The following SLC6A2 variants were observed in gnomAD, a reference collection of about 807,000 sequenced individuals.
The protein encoded by SLC6A2 is solute carrier family 6 member 2, also known as sodium-dependent noradrenaline transporter.
SLC6A2 carries 26 observed loss-of-function variants against 71.7 expected under a neutral mutation model. The ratio of observed to expected loss-of-function variants is 0.36; its 90% CI spans 0.27 to 0.50. The LOEUF is 0.50. SLC6A2 is among the 20% of genes least tolerant of loss of function. The pLI, the probability that SLC6A2 is intolerant of heterozygous loss-of-function variation, is 0.96. For missense variants in SLC6A2, 581 were observed against 803.9 expected (o/e 0.72, Z 3.35); for synonymous variants, 363 against 337.9 (o/e 1.07, Z -0.82).
Position 55,697,960 on chromosome 16 carries a change from C to A in SLC6A2, c.1324C>A (p.Arg442=). Residue 442 remains arginine (R), a synonymous_variant, in exon 10 of 15, where the codon CGG becomes AGG. Transcript: ENST00000568943. ...TGACTTCCAGGTCCTGAAGCGACAC[C>A]GGAAACTCTTCACATTTGGCGTCAC... ...ADDFQVLKRH[R]KLFTFGVTFS... 1 of 1,614,046 alleles carries A rather than the reference C, an allele frequency of 6.2e-7. No individual in the cohort carries two copies. The highest frequency in any genetic ancestry group is 1.6e-4 in the Middle Eastern group (1 of 6,062).
At chr16:55,695,672 G>T (rs1257979733) in intron 8 of SLC6A2, among the ~76,000 whole-genome samples, 2 of 152,212 alleles carry the variant, frequency 1.3e-5, no homozygotes, top group African/African-American at 4.8e-5. Context: ...CCTGGGCTAA[G>T]CACTTGACAT....
In SLC6A2 at chr16:55,702,419, G is replaced by A. The variant is rs974053266; in HGVS notation, c.*73G>A. 4.8e-5 allele frequency: 77 copies of A among 1,613,480 alleles called. 1 individual carries two copies. The highest frequency in any genetic ancestry group is 3.3e-4 in the Middle Eastern group (2 of 6,082). On this transcript the variant is annotated 3_prime_UTR_variant, in exon 15 of 15. Transcript: ENST00000568943. ...CAGGCATCCGCTGCGCTCCCACCTC[G>A]GACACCATCTTGGGATTCCTCCCCT...
At chr16:55,685,318 G>A (rs1467234299) in intron 5 of SLC6A2, 37 bp downstream of exon 5, 3 of 1,602,870 alleles carry the variant, frequency 1.9e-6, no homozygotes, top group Non-Finnish European at 2.6e-6. Context: ...TTACTTGGGT[G>A]ATCAACCTTG....
At chr16:55,685,906 C>A (rs1965436570) in intron 5 of SLC6A2, among the ~76,000 whole-genome samples, 1 of 152,124 alleles carries the variant, frequency 6.6e-6, no homozygotes, top group Non-Finnish European at 1.5e-5. Flanking sequence ...TATAGTCAGC[C>A]TCTCATGGGT....
chr16:55,660,263 C>CA (rs1318153252), intron 2 of SLC6A2, among the ~76,000 whole-genome samples: 1 of 152,130 alleles, frequency 6.6e-6, no homozygotes, highest in Non-Finnish European at 1.5e-5. Flanking sequence ...GATAAGGGTG[C>CA]AGGGGCAAGT....
At chr16:55,668,327 C>A (rs1964809689) in intron 2 of SLC6A2, among the ~76,000 whole-genome samples, 2 of 152,086 alleles carry the variant, frequency 1.3e-5, no homozygotes, top group Non-Finnish European at 2.9e-5. Context: ...GATCTTTGAT[C>A]TTTGTGGTGA....
intron 11 of SLC6A2, among the ~76,000 whole-genome samples, 183 bp downstream of exon 11, chr16:55,698,751 G>A (rs1261585745): frequency 6.6e-6 from 1 of 152,144 alleles, no homozygotes; most frequent in Non-Finnish European, 1.5e-5. Flanking sequence ...TTAACAGGAG[G>A]CTGCAAAGGC....
chr16:55,689,186 C>G (rs1230020194), intron 5 of SLC6A2, among the ~76,000 whole-genome samples: 2 of 152,172 alleles, frequency 1.3e-5, no homozygotes, highest in South Asian at 4.1e-4. Context: ...ATTGTGCATT[C>G]AGGGCACATT....
At chr16:55,698,144 C>A (rs778327806) in intron 10 of SLC6A2, 119 bp downstream of exon 10, 12 of 1,138,474 alleles carry the variant, frequency 1.1e-5, no homozygotes, top group Non-Finnish European at 1.6e-5. Context: ...CAGGATCCAG[C>A]ATCCTCAATT....
intron 4 of SLC6A2, among the ~76,000 whole-genome samples, chr16:55,678,952 A>C (rs1197666326): frequency 5.9e-5 from 9 of 152,176 alleles, no homozygotes; most frequent in Non-Finnish European, 1.2e-4. Flanking sequence ...AAATACCTAG[A>C]CAACCTCTAC....
chr16:55,666,917 G>A (rs992156916), intron 2 of SLC6A2, among the ~76,000 whole-genome samples: 2 of 152,092 alleles, frequency 1.3e-5, no homozygotes, highest in African/African-American at 2.4e-5. Flanking sequence ...CCTTCCCCAC[G>A]TTCCCTTGGG....
rs1966059293 is a variant in SLC6A2 at position 55,704,442 on chromosome 16, A to C, written c.*2096A>C. 1 of 152,224 alleles carries C rather than the reference A, an allele frequency of 6.6e-6. No individual in the cohort carries two copies. The highest frequency in any genetic ancestry group is 1.5e-5 in the Non-Finnish European group (1 of 68,032). 9.4% of individuals were successfully genotyped at this position (152,224 alleles called of 1,614,324 possible). The stretch of plus-strand genomic sequence containing the variant: ...ACCCCACCCAGGACTGTCATTTTTA[A>C]AAAACTCATTCAAACCGCAAAGGAA... On this transcript the variant is annotated 3_prime_UTR_variant, in exon 15 of 15. Transcript: ENST00000568943.
Position 55,694,847 on chromosome 16 carries a change from G to A in SLC6A2, c.1023-431G>A, listed in dbSNP as rs374254219. On this transcript the variant is annotated intron_variant, in intron 7 of 14. Coordinates refer to ENST00000568943, the MANE Select transcript of SLC6A2 (RefSeq NM_001172501.3). Reference sequence around the variant, plus strand: ...CTGCATGCACTGGGGGGAGAAGCGGGACAACACAGGCAAATGCAAGGAAGT... The same window carrying A: ...CTGCATGCACTGGGGGGAGAAGCGGAACAACACAGGCAAATGCAAGGAAGT... 6.6e-5 allele frequency among the ~76,000 whole-genome samples: 10 copies of A among 152,284 alleles called. No individual in the cohort carries two copies. In the South Asian group the frequency reaches 1.9e-3, roughly 28 times the overall value.
chr16:55,679,321 G>C (rs1476915970), intron 4 of SLC6A2, among the ~76,000 whole-genome samples: 1 of 151,774 alleles, frequency 6.6e-6, no homozygotes, highest in Non-Finnish European at 1.5e-5. Context: ...CCACCTCCCA[G>C]GTTCAAGTGA....
intron 9 of SLC6A2, 104 bp downstream of exon 9, chr16:55,696,441 G>A (rs1965801869): frequency 1.3e-6 from 1 of 767,486 alleles, no homozygotes; most frequent in African/African-American, 1.7e-5. Flanking sequence ...CAAACACCAG[G>A]TTAACAGTTG....
intron 5 of SLC6A2, among the ~76,000 whole-genome samples, chr16:55,690,650 G>C (rs1381076433): frequency 6.6e-6 from 1 of 152,136 alleles, no homozygotes; most frequent in African/African-American, 2.4e-5. Context: ...GCTACCCATG[G>C]CTGCCTCTGC....
intron 4 of SLC6A2, among the ~76,000 whole-genome samples, chr16:55,677,570 C>G (rs1965131345): frequency 6.6e-6 from 1 of 152,152 alleles, no homozygotes; most frequent in South Asian, 2.1e-4. Context: ...CCTAAGCTTC[C>G]TCCAGGCTCA....
intron 2 of SLC6A2, among the ~76,000 whole-genome samples, chr16:55,663,705 G>A (rs542639618): frequency 7.2e-5 from 11 of 152,194 alleles, no homozygotes; most frequent in African/African-American, 2.4e-4. Flanking sequence ...AATACCAATA[G>A]CCCTTGTTGT....
At chr16:55,686,438 C>G (rs1965454030) in intron 5 of SLC6A2, among the ~76,000 whole-genome samples, 1 of 152,152 alleles carries the variant, frequency 6.6e-6, no homozygotes. Context: ...ATCATTCTTG[C>G]TATTGTCCCA....
Sources: gnomAD v4.1 joint callset for allele counts (sites outside exome capture counted in the v4.1 genomes callset) on GRCh38, gnomAD v4.1.1 for gene constraint, MANE v1.5 for transcripts, NCBI Gene and HGNC (gene_info 2026-07-23, HGNC 2026-07-21) for gene names.